Variants in EPHB1 observed in about 807,000 individuals in gnomAD.
EPHB1 encodes EPH receptor B1.
EPHB1 carries 30 observed loss-of-function variants against 94.4 expected under a neutral mutation model. The ratio of observed to expected loss-of-function variants is 0.32; its 90% CI spans 0.24 to 0.43. The LOEUF (loss-of-function observed/expected upper bound fraction) is 0.43. Ranked by LOEUF, EPHB1 falls within the 20% of genes least tolerant of loss-of-function variation. The pLI is 1.00. For synonymous variants in EPHB1, 522 were observed against 489.1 expected, an observed-to-expected ratio of 1.07 and a Z score of -0.89; for missense variants, 1,055 against 1,308.3, an observed-to-expected ratio of 0.81 and a Z score of 2.99.
At chr3:135,018,001 G>GA (rs1559796517) in intron 3 of EPHB1, among the ~76,000 whole-genome samples, 1 of 152,132 alleles carries the variant, frequency 6.6e-6, no homozygotes, top group Non-Finnish European at 1.5e-5. Context: ...CCTGGACTGT[G>GA]AGGGGGGGCA....
chr3:135,178,764 G>A (rs1389848065), intron 9 of EPHB1, among the ~76,000 whole-genome samples: 4 of 152,148 alleles, frequency 2.6e-5, no homozygotes, highest in Non-Finnish European at 5.9e-5. Context: ...TGCACCTGGA[G>A]CAGTGTGGCT....
At chr3:134,948,488 G>A (rs148518856) in intron 2 of EPHB1, among the ~76,000 whole-genome samples, 49 of 152,092 alleles carry the variant, frequency 3.2e-4, no homozygotes, top group Admixed American at 9.2e-4. Context: ...CAAGCAGAAC[G>A]TAACTTTAAT....
At chr3:135,033,231 G>A (rs1049985681) in intron 3 of EPHB1, among the ~76,000 whole-genome samples, 4 of 152,134 alleles carry the variant, frequency 2.6e-5, no homozygotes, top group Admixed American at 1.3e-4. Context: ...TTCTGGAATC[G>A]TTTATGGTGG....
At position 134,922,982 on chromosome 3, in the gene EPHB1, C is replaced by T. The variant is rs145465265; in HGVS notation, c.59-2834C>T. 8.3e-4 allele frequency among the ~76,000 whole-genome samples: 127 copies of T among 152,270 alleles called. 1 individual carries two copies. The highest frequency in any genetic ancestry group is 2.9e-3 in the African/African-American group (122 of 41,542). ...TCATGGAGATGAGTTTCTACAGAGC[C>T]TCATGGAGTGTCTTCTGAGAAGTGT... is the stretch of plus-strand genomic sequence containing the variant. On this transcript the variant is annotated intron_variant, in intron 1 of 15. Coordinates refer to ENST00000398015, the MANE Select transcript of EPHB1 (RefSeq NM_004441.5).
intron 10 of EPHB1, among the ~76,000 whole-genome samples, chr3:135,185,080 G>T (rs1942294595): frequency 6.6e-6 from 1 of 152,224 alleles, no homozygotes; most frequent in Non-Finnish European, 1.5e-5. Context: ...CATGCCATTT[G>T]TATTTTCATG....
At chr3:135,250,436 C>A (rs368764198) in intron 15 of EPHB1, among the ~76,000 whole-genome samples, 2 of 152,212 alleles carry the variant, frequency 1.3e-5, no homozygotes, top group African/African-American at 2.4e-5. Context: ...ACCTGTCCAC[C>A]CCAGGGCCTC....
rs1217412342 is a variant in EPHB1, at chr3:135,106,548, C to T, written c.906C>T (p.Thr302=). The T allele has an allele frequency of 6.2e-7, 1 of 1,614,068 alleles. No homozygotes were observed. The highest frequency in any genetic ancestry group is 2.2e-5 in the East Asian group (1 of 44,876). The part of the protein sequence containing the change: ...RSPAEASPIC[T]CRTGYYRADF... ...CTGCAGAGGCGTCTCCCATCTGCAC[C>T]TGTCGGACCGGTTATTACCGAGCGG... The change falls in exon 4 of 16, where the codon ACC becomes ACT. Residue 302 remains threonine, a synonymous_variant. Transcript: ENST00000398015.
chr3:134,969,792 A>G (rs1933898687), intron 3 of EPHB1, among the ~76,000 whole-genome samples: 1 of 152,076 alleles, frequency 6.6e-6, no homozygotes. Context: ...CTGCTGGAAA[A>G]AATCTGCTCA....
At chr3:135,151,112 T>C (rs1288528999) in intron 5 of EPHB1, among the ~76,000 whole-genome samples, 1 of 152,234 alleles carries the variant, frequency 6.6e-6, no homozygotes, top group East Asian at 1.9e-4. Flanking sequence ...GCTATATTAC[T>C]ACAGCAGTGC....
chr3:135,037,491 C>T (rs993353665), intron 3 of EPHB1, among the ~76,000 whole-genome samples: 16 of 152,180 alleles, frequency 1.1e-4, no homozygotes, highest in African/African-American at 3.9e-4. Flanking sequence ...CAACATAAAA[C>T]CGTTGGAAGG....
In EPHB1 at chr3:135,060,079, T is replaced by C. The variant is rs183733169; in HGVS notation, c.806-46369T>C. 2.2e-4 allele frequency among the ~76,000 whole-genome samples: 34 copies of C among 152,384 alleles called. No homozygotes were observed. In the East Asian group the frequency reaches 6.2e-3, roughly 28 times the overall value. ...CTGTAAAATTCACTCTGTAAATTGC[T>C]TTTTAGTATTATCCACAAAGCTGCG... is the stretch of plus-strand genomic sequence containing the variant. On this transcript the variant is annotated intron_variant, in intron 3 of 15. Coordinates refer to ENST00000398015, the MANE Select transcript of EPHB1 (RefSeq NM_004441.5).
intron 3 of EPHB1, among the ~76,000 whole-genome samples, chr3:134,956,716 G>A (rs952060386): frequency 1.3e-5 from 2 of 152,168 alleles, no homozygotes; most frequent in Non-Finnish European, 2.9e-5. Context: ...ACTTCTCAAA[G>A]TGTGTGAAAA....
At chr3:135,028,349 C>A (rs1268299676) in intron 3 of EPHB1, among the ~76,000 whole-genome samples, 16 of 141,998 alleles carry the variant, frequency 1.1e-4, no homozygotes, top group Non-Finnish European at 2.4e-4. Flanking sequence ...CCTGCTTTCT[C>A]TTGTAGGCAT....
chr3:135,156,746 A>G (rs1323369611), intron 6 of EPHB1, among the ~76,000 whole-genome samples: 3 of 152,244 alleles, frequency 2.0e-5, no homozygotes, highest in African/African-American at 4.8e-5. Context: ...ATTCATAAGC[A>G]TCTGTTATAT....
chr3:135,159,792 G>A (rs959529803), intron 6 of EPHB1, among the ~76,000 whole-genome samples: 1 of 152,172 alleles, frequency 6.6e-6, no homozygotes, highest in African/African-American at 2.4e-5. Flanking sequence ...GCTGACCTGG[G>A]ACCTGTGGTC....
intron 3 of EPHB1, among the ~76,000 whole-genome samples, chr3:135,075,154 G>T (rs115951987): frequency 6.6e-6 from 1 of 152,258 alleles, no homozygotes; most frequent in African/African-American, 2.4e-5. Flanking sequence ...AGGTTGATTG[G>T]ATATCTGAAC....
chr3:135,182,782 A>G (rs1942190229), intron 10 of EPHB1, among the ~76,000 whole-genome samples: 1 of 152,236 alleles, frequency 6.6e-6, no homozygotes, highest in Non-Finnish European at 1.5e-5. Flanking sequence ...CCAGCAGTGG[A>G]CATGCTATGC....
intron 3 of EPHB1, among the ~76,000 whole-genome samples, chr3:135,084,522 T>C (rs55877282): frequency 0.081 from 12,382 of 152,166 alleles, 1,631 homozygotes; most frequent in African/African-American, 0.28. Context: ...GGCTGCGTGA[T>C]GGATGAATGA....
At position 134,999,687 on chromosome 3, in the gene EPHB1, G is replaced by C. The variant is rs531045339; in HGVS notation, c.805+47635G>C. On this transcript the variant is annotated intron_variant, in intron 3 of 15. Coordinates refer to ENST00000398015, the MANE Select transcript of EPHB1 (RefSeq NM_004441.5). ...TGAAGAAGGAAAAAGAAGGATGAGAGGATTGCCTGGCAGCTCCCAGGCCCA... is the reference window on the plus strand; with the variant it reads ...TGAAGAAGGAAAAAGAAGGATGAGACGATTGCCTGGCAGCTCCCAGGCCCA... 4.4e-4 allele frequency among the ~76,000 whole-genome samples: 67 copies of C among 152,282 alleles called. 1 individual carries two copies. The highest frequency in any genetic ancestry group is 6.8e-4 in the Non-Finnish European group (46 of 68,004).
Sources: allele counts gnomAD v4.1 joint callset (sites outside exome capture counted in the v4.1 genomes callset), GRCh38; gene constraint gnomAD v4.1.1; transcripts MANE v1.5; gene names NCBI Gene and HGNC (gene_info 2026-07-23, HGNC 2026-07-21).